Variants in EBF4 observed in about 807,000 individuals in gnomAD.
EBF4 encodes the protein EBF transcription factor 4.
Under a neutral mutation model 67.1 loss-of-function variants are expected in EBF4, and 34 were observed. The observed-to-expected ratio is 0.51, with a 90% CI of 0.39 to 0.67. EBF4 has a LOEUF of 0.67. Among genes scored for constraint, EBF4 ranks in the 30% least tolerant of loss-of-function variants. The pLI, the probability that EBF4 is intolerant of heterozygous loss-of-function variation, is 0.00. For synonymous variants in EBF4, 387 were observed against 377.7 expected, an observed-to-expected ratio of 1.02 and a Z score of -0.29; for missense variants, 837 against 873.3, an observed-to-expected ratio of 0.96 and a Z score of 0.52.
intron 6 of EBF4, among the ~76,000 whole-genome samples, chr20:2,741,868 A>G (rs2087973309): frequency 6.6e-6 from 1 of 152,248 alleles, no homozygotes; most frequent in African/African-American, 2.4e-5. Flanking sequence ...AATGAGCTAG[A>G]ACAATTTTTA....
intron 6 of EBF4, among the ~76,000 whole-genome samples, chr20:2,714,806 A>G (rs1356993382): frequency 2.0e-5 from 3 of 152,190 alleles, no homozygotes; most frequent in Admixed American, 2.0e-4. Context: ...TAAATCTTTT[A>G]CATACTCCGG....
At chr20:2,704,661 T>G (rs575160380) in intron 1 of EBF4, among the ~76,000 whole-genome samples, 4 of 152,346 alleles carry the variant, frequency 2.6e-5, no homozygotes, top group Admixed American at 6.5e-5. Context: ...ATAAAAAGAA[T>G]TAATATTTTC....
At chr20:2,717,088 A>G (rs1293575694) in intron 6 of EBF4, among the ~76,000 whole-genome samples, 1 of 152,232 alleles carries the variant, frequency 6.6e-6, no homozygotes, top group Non-Finnish European at 1.5e-5. Flanking sequence ...ATCCATGAAT[A>G]TGGTTTATCT....
chr20:2,698,844 C>T (rs1285015260), intron 1 of EBF4, among the ~76,000 whole-genome samples: 3 of 152,070 alleles, frequency 2.0e-5, no homozygotes, highest in Non-Finnish European at 2.9e-5. Context: ...TCAAGGCAGC[C>T]AGGAGTTAGG....
intron 1 of EBF4, 66 bp from the exon 2 acceptor site, chr20:2,705,511 C>G: frequency 6.5e-7 from 1 of 1,548,748 alleles, no homozygotes. Flanking sequence ...CTGCCTGGCC[C>G]GAGGCGCTGG....
Position 2,739,373 on chromosome 20 carries a change from G to A in EBF4, c.558-9176G>A, listed in dbSNP as rs991544532. On this transcript the variant is annotated intron_variant, in intron 6 of 16. Transcript: ENST00000609451. This position sits in a 1 kb window ranked among gnomAD's most constrained non-coding sequence, Gnocchi z 4.5. Reference sequence around the variant, plus strand: ...GGCCCTGCCTCCTACTTCTCGGTGAGATCCTCCAAGACCCATCACCCAAGA... The same window carrying A: ...GGCCCTGCCTCCTACTTCTCGGTGAAATCCTCCAAGACCCATCACCCAAGA... Among the ~76,000 whole-genome samples the A allele has an allele frequency of 6.6e-6, 1 of 151,780 alleles. No homozygotes were observed. The highest frequency in any genetic ancestry group is 6.6e-5 in the Admixed American group (1 of 15,238).
chr20:2,755,921 C>T lies in EBF4; in HGVS notation c.1738+97C>T, dbSNP rs377324801. On this transcript the variant is annotated intron_variant, in intron 15 of 16. Transcript: ENST00000609451. The surrounding 1 kb of genome is among the most constrained non-coding windows in gnomAD (Gnocchi z 4.7). ...TGCTCTGTCCACATCTCACCAGTGC[C>T]TCATGCTGGCTAACCTGCTCTTCTT... is the stretch of plus-strand genomic sequence containing the variant. 1.3e-5 allele frequency: 15 copies of T among 1,192,426 alleles called. No homozygotes were observed. In the East Asian group the frequency reaches 1.5e-4, roughly 12 times the overall value. 73.9% of individuals were successfully genotyped at this position (1,192,426 alleles called of 1,614,324 possible).
At chr20:2,708,296 C>G (rs1461745178) in intron 5 of EBF4, among the ~76,000 whole-genome samples, 2 of 152,170 alleles carry the variant, frequency 1.3e-5, no homozygotes, top group Admixed American at 6.5e-5. Flanking sequence ...GGAAGCTTAG[C>G]TAATAAAGCT....
In EBF4 at chr20:2,702,558, G is replaced by A. The variant is rs1373102435; in HGVS notation, c.138-3019G>A. On this transcript the variant is annotated intron_variant, in intron 1 of 16. Transcript: ENST00000609451. Reference sequence around the variant, plus strand: ...GGGAGGCTCCGGGGCAAGCTTTCAAGAGGAGGAAACATTTTCCATTTTACT... The same window carrying A: ...GGGAGGCTCCGGGGCAAGCTTTCAAAAGGAGGAAACATTTTCCATTTTACT... Among the ~76,000 whole-genome samples the A allele has an allele frequency of 2.0e-5, 3 of 152,232 alleles. No individual in the cohort carries two copies. In the East Asian group the frequency reaches 5.8e-4, roughly 29 times the overall value.
Position 2,751,677 on chromosome 20 carries a change from C to T in EBF4, c.1019-23C>T, listed in dbSNP as rs1211856221. 1.9e-6 allele frequency: 3 copies of T among 1,549,954 alleles called. No homozygotes were observed. Among genetic ancestry groups the T allele is most frequent in the Admixed American group, 2.0e-5 (1 of 50,998 alleles). On this transcript the variant is annotated intron_variant, in intron 10 of 16. Transcript: ENST00000609451. This position sits in a 1 kb window ranked among gnomAD's most constrained non-coding sequence, Gnocchi z 5.2. Reference sequence around the variant, plus strand: ...TGGGGGGCTGCGGGGGAGACGTCCTCCAAACGCCGCCCCCTTCCCCAGCTC... The same window carrying T: ...TGGGGGGCTGCGGGGGAGACGTCCTTCAAACGCCGCCCCCTTCCCCAGCTC...
At chr20:2,733,802 C>A (rs994925470) in intron 6 of EBF4, among the ~76,000 whole-genome samples, 1 of 146,524 alleles carries the variant, frequency 6.8e-6, no homozygotes, top group Non-Finnish European at 1.5e-5. Context: ...TTAATACTAG[C>A]GATAGCTGAT....
chr20:2,693,909 C>T lies in EBF4; in HGVS notation c.137+127C>T. The T allele has an allele frequency of 8.5e-7, 1 of 1,177,402 alleles. No individual in the cohort carries two copies. Among genetic ancestry groups the T allele is most frequent in the East Asian group, 3.2e-5 (1 of 31,382 alleles). The allele number at this position is 1,177,402 out of a possible 1,614,324, so 72.9% of individuals were successfully genotyped here. ...AACTCTGGACGGTCCCGGCGAGCTC[C>T]CCGGCCCACCCCGTCCGGAGTGCCT... On this transcript the variant is annotated intron_variant, in intron 1 of 16. Transcript: ENST00000609451. This position sits in a 1 kb window ranked among gnomAD's most constrained non-coding sequence, Gnocchi z 4.6.
At position 2,747,463 on chromosome 20, in the gene EBF4, A is replaced by G. The variant is rs898624627; in HGVS notation, c.558-1086A>G. On this transcript the variant is annotated intron_variant, in intron 6 of 16. Transcript: ENST00000609451. This position sits in a 1 kb window ranked among gnomAD's most constrained non-coding sequence, Gnocchi z 4.6. ...GGACAAAGTGCTCATGTGTTTGTCT[A>G]AAAAGCAACCTCATCAGCGCATATG... 6.6e-6 allele frequency among the ~76,000 whole-genome samples: 1 copy of G among 152,208 alleles called. No homozygotes were observed. Among genetic ancestry groups the G allele is most frequent in the East Asian group, 1.9e-4 (1 of 5,200 alleles).
At chr20:2,721,210 C>T (rs1295197896) in intron 6 of EBF4, among the ~76,000 whole-genome samples, 2 of 140,856 alleles carry the variant, frequency 1.4e-5, no homozygotes, top group African/African-American at 5.3e-5. Context: ...CATATTGGAA[C>T]TTCTTGAAGT....
chr20:2,719,127 C>G (rs2087646758), intron 6 of EBF4, among the ~76,000 whole-genome samples: 1 of 152,190 alleles, frequency 6.6e-6, no homozygotes, highest in Admixed American at 6.5e-5. Flanking sequence ...GAGTCTCACT[C>G]TGTCACCCAG....
chr20:2,707,426 G>T lies in EBF4; in HGVS notation c.415-521G>T, dbSNP rs1291891026. Among the ~76,000 whole-genome samples the T allele has an allele frequency of 6.6e-6, 1 of 152,192 alleles. No homozygotes were observed. Among genetic ancestry groups the T allele is most frequent in the African/African-American group, 2.4e-5 (1 of 41,424 alleles). ...AGGGGAAGACCGAGCCTGGGCTAGG[G>T]ATGGTATGGGGGAAGAGGCGATAGT... On this transcript the variant is annotated intron_variant, in intron 4 of 16. Coordinates refer to ENST00000609451, the Ensembl canonical transcript of EBF4. This position sits in a 1 kb window ranked among gnomAD's most constrained non-coding sequence, Gnocchi z 4.6.
At chr20:2,715,041 T>C (rs2087590281) in intron 6 of EBF4, among the ~76,000 whole-genome samples, 1 of 152,202 alleles carries the variant, frequency 6.6e-6, no homozygotes. Context: ...ATAACCAATG[T>C]ACACCTGTGA....
intron 1 of EBF4, among the ~76,000 whole-genome samples, chr20:2,704,827 T>A (rs2087428270): frequency 6.6e-6 from 1 of 152,222 alleles, no homozygotes. Flanking sequence ...ATCACTGGGA[T>A]GCAGGGGATA....
rs1375995829 is a variant in EBF4 at position 2,739,386 on chromosome 20, C to T, written c.558-9163C>T. 6.6e-6 allele frequency among the ~76,000 whole-genome samples: 1 copy of T among 151,928 alleles called. No homozygotes were observed. The highest frequency in any genetic ancestry group is 1.9e-4 in the East Asian group (1 of 5,162). On this transcript the variant is annotated intron_variant, in intron 6 of 16. Coordinates refer to ENST00000609451, the Ensembl canonical transcript of EBF4. The surrounding 1 kb of genome is among the most constrained non-coding windows in gnomAD (Gnocchi z 4.5). ...ACTTCTCGGTGAGATCCTCCAAGAC[C>T]CATCACCCAAGACCAAATTGGAGCT... is the stretch of plus-strand genomic sequence containing the variant.
Sources: allele counts gnomAD v4.1 joint callset (sites outside exome capture counted in the v4.1 genomes callset), GRCh38; gene constraint gnomAD v4.1.1; non-coding constraint Gnocchi (gnomAD v3.1); transcripts MANE v1.5; gene names NCBI Gene and HGNC (gene_info 2026-07-23, HGNC 2026-07-21).